TXNDC11: variants seen among roughly 807,000 people sequenced by gnomAD.
The protein encoded by TXNDC11 is thioredoxin domain containing 11, also known as thioredoxin domain-containing protein 11.
Under a neutral mutation model 78.0 loss-of-function variants are expected in TXNDC11, and 68 were observed. The observed-to-expected ratio is 0.87, with a 90% CI of 0.72 to 1.07. The LOEUF is 1.07. TXNDC11 is among the 50% of genes least tolerant of loss of function. TXNDC11 has a pLI of 0.00. For synonymous variants in TXNDC11, 571 were observed against 495.2 expected (o/e 1.15, Z -2.03); for missense variants, 1,389 against 1,221.8 (o/e 1.14, Z -2.04).
At chr16:11,707,453 A>AG (rs1233686090) in intron 5 of TXNDC11, among the ~76,000 whole-genome samples, 2 of 115,192 alleles carry the variant, frequency 1.7e-5, no homozygotes, top group South Asian at 5.3e-4. Flanking sequence ...TATTTTTCCC[A>AG]ATTTTTTTTT....
At chr16:11,693,315 C>T (rs2050771849) in intron 7 of TXNDC11, among the ~76,000 whole-genome samples, 1 of 152,060 alleles carries the variant, frequency 6.6e-6, no homozygotes, top group African/African-American at 2.4e-5. Flanking sequence ...TTTCGTTACC[C>T]ACCTCCCATT....
Position 11,721,625 on chromosome 16 carries a change from G to C in TXNDC11, c.745C>G (p.Pro249Ala). The C allele has an allele frequency of 6.2e-7, 1 of 1,612,706 alleles. No homozygotes were observed. The highest frequency in any genetic ancestry group is 8.5e-7 in the Non-Finnish European group (1 of 1,179,188). ...GAGGTGAAGAAGGTCAAATAACCAG[G>C]AGGCTGGGGTGAGCCACTGAACTCA... ...YFEFSGSPQP[P>A]GYLTFFTSAL... is the part of the protein sequence containing the mutation. The change falls in exon 5 of 12, where the codon CCT becomes GCT. Residue 249 changes from proline (P) to alanine (A), a missense_variant. By Grantham distance (27) the Pro-to-Ala change is conservative (BLOSUM62 -1). Transcript: ENST00000283033.
At position 11,700,515 on chromosome 16, in the gene TXNDC11, C is replaced by G; in HGVS notation, c.843G>C (p.Ala281=). ...CAGAGTGTACTAAGGATACCAGTTT[C>G]GCAAGATGTTTATTTGTGATAACCC... ...RFGVITNKHL[A]KLVSLVHSGS... Residue 281 remains alanine, a synonymous_variant, in exon 6 of 12, where the codon GCG becomes GCC. Transcript: ENST00000283033. The G allele has an allele frequency of 6.8e-6, 11 of 1,607,480 alleles. No individual in the cohort carries two copies. The highest frequency in any genetic ancestry group is 9.4e-6 in the Non-Finnish European group (11 of 1,174,268).
chr16:11,705,649 T>C (rs1055060601), intron 5 of TXNDC11, among the ~76,000 whole-genome samples: 6 of 152,230 alleles, frequency 3.9e-5, no homozygotes, highest in African/African-American at 1.4e-4. Flanking sequence ...TTAATAAGAA[T>C]GGACAGTCTG....
rs1360716261 is a variant in TXNDC11, at chr16:11,742,782, A to AGGCCC, written c.-57_-53dup. Reference sequence around the variant, plus strand: ...ACCGCCGCCGCCGCCTCGGGCCCGAAGGCCCGGCCCGGCCCGTTGCTCCCC... The same window carrying AGGCCC: ...ACCGCCGCCGCCGCCTCGGGCCCGAAGGCCCGGCCCGGCCCGGCCCGTTGCTCCCC... On this transcript the variant is annotated 5_prime_UTR_variant, in exon 1 of 12. Transcript: ENST00000283033. 1.6e-5 allele frequency: 22 copies of AGGCCC among 1,406,122 alleles called. No homozygotes were observed. The highest frequency in any genetic ancestry group is 1.1e-4 in the East Asian group (4 of 35,748). 87.1% of individuals were successfully genotyped at this position (1,406,122 alleles called of 1,614,324 possible).
At chr16:11,705,373 T>A (rs1288031295) in intron 5 of TXNDC11, among the ~76,000 whole-genome samples, 1 of 152,226 alleles carries the variant, frequency 6.6e-6, no homozygotes, top group Non-Finnish European at 1.5e-5. Context: ...TTAAAGGGCA[T>A]GGCATATAAG....
In TXNDC11 at chr16:11,742,672, T is replaced by C; in HGVS notation, c.59A>G (p.Glu20Gly). 6.8e-7 allele frequency: 1 copy of C among 1,468,348 alleles called. No individual in the cohort carries two copies. 91.0% of individuals were successfully genotyped at this position (1,468,348 alleles called of 1,614,324 possible). Residue 20 changes from glutamate (E) to glycine (G), a missense_variant, in exon 1 of 12, where the codon GAG becomes GGG. Transcript: ENST00000283033. The stretch of plus-strand genomic sequence containing the variant: ...CGCGGGGCCGCCGCCGCCCCCTCCC[T>C]CGTCCTCGGCGTCCTCGCTGCTGCT... ...GSSSSEDAED[E>G]GGGGGGPAGS...
Position 11,692,076 on chromosome 16 carries a change from C to A in TXNDC11, c.1114G>T (p.Glu372Ter). The A allele has an allele frequency of 6.6e-7, 1 of 1,521,904 alleles. No homozygotes were observed. Among genetic ancestry groups the A allele is most frequent in the Non-Finnish European group, 8.8e-7 (1 of 1,135,802 alleles). The allele number at this position is 1,521,904 out of a possible 1,614,324, so 94.3% of individuals were successfully genotyped here. Residue 372 changes from glutamate (E) to a stop codon, truncating the protein, a stop_gained, in exon 8 of 12, where the codon GAA becomes TAA. Coordinates refer to ENST00000283033, the MANE Select transcript of TXNDC11 (RefSeq NM_015914.7). LOFTEE classifies it high-confidence loss of function. ...CAGTTGTTGTACTCCAAGGCCACTT[C>A]GGTGATCTGAAATACAGGGCAGAGT... ...ESHPLIDEIT[E>*]VALEYNNCHG... is the part of the protein sequence containing the mutation.
chr16:11,692,025 G>C lies in TXNDC11; in HGVS notation c.1165C>G (p.Leu389Val), dbSNP rs370341845. The C allele has an allele frequency of 6.4e-7, 1 of 1,558,306 alleles. No homozygotes were observed. Among genetic ancestry groups the C allele is most frequent in the Non-Finnish European group, 8.7e-7 (1 of 1,152,042 alleles). Residue 389 changes from leucine to valine, a missense_variant, in exon 8 of 12, where the codon CTC becomes GTC. Physicochemically the swap from Leu to Val is conservative, Grantham distance 32. Coordinates refer to ENST00000283033, the MANE Select transcript of TXNDC11 (RefSeq NM_015914.7). ...TCCACCCGCCGCAGGTGCTGAAGGA[G>C]ACGCTCCACCACCTGGTCCCCATGA... Reference protein sequence around the residue: ...NCHGDQVVERLLQHLRRVDAP... With the variant: ...NCHGDQVVERVLQHLRRVDAP...
At chr16:11,698,888 C>G (rs530574530) in intron 6 of TXNDC11, among the ~76,000 whole-genome samples, 17 of 152,328 alleles carry the variant, frequency 1.1e-4, no homozygotes, top group African/African-American at 4.1e-4. Context: ...CAAAAATGAC[C>G]TAAACTTGCA....
intron 4 of TXNDC11, among the ~76,000 whole-genome samples, chr16:11,728,216 G>A (rs1207971933): frequency 6.6e-6 from 1 of 152,188 alleles, no homozygotes; most frequent in East Asian, 1.9e-4. Flanking sequence ...CTTATAGGCA[G>A]TGTGTGTGAA....
intron 5 of TXNDC11, among the ~76,000 whole-genome samples, chr16:11,701,360 C>T (rs1042623223): frequency 2.1e-4 from 32 of 152,070 alleles, no homozygotes; most frequent in South Asian, 6.2e-4. Flanking sequence ...CAGTCTCGAA[C>T]TCCTGACCTC....
chr16:11,722,591 G>C (rs562535903), intron 4 of TXNDC11, among the ~76,000 whole-genome samples: 2 of 152,182 alleles, frequency 1.3e-5, no homozygotes, highest in Non-Finnish European at 2.9e-5. Context: ...ACAGCCTCGG[G>C]AGAACCCTTC....
rs768715301 is a variant in TXNDC11, at chr16:11,742,691, T to C, written c.40A>G (p.Ser14Gly). The change falls in exon 1 of 12, where the codon AGC becomes GGC. Residue 14 changes from serine (S) to glycine (G), a missense_variant. Ser to Gly is a moderately conservative substitution (Grantham distance 56, BLOSUM62 0). Transcript: ENST00000283033. ...CCTCCCTCGTCCTCGGCGTCCTCGC[T>C]GCTGCTGCTGCCGCCGCCGCGGCCT... Reference protein sequence around the residue: ...CGGRGGGSSSSEDAEDEGGGG... With the variant: ...CGGRGGGSSSGEDAEDEGGGG... The C allele has an allele frequency of 1.4e-6, 2 of 1,469,460 alleles. No individual in the cohort carries two copies. The highest frequency in any genetic ancestry group is 1.3e-5 in the South Asian group (1 of 75,714). The allele number at this position is 1,469,460 out of a possible 1,614,324, so 91.0% of individuals were successfully genotyped here. A position where few individuals can be genotyped will look rare whatever the true frequency, so the allele number is the denominator to read the frequency against.
intron 10 of TXNDC11, among the ~76,000 whole-genome samples, chr16:11,685,501 T>C (rs1477731070): frequency 2.0e-5 from 3 of 151,762 alleles, no homozygotes; most frequent in Non-Finnish European, 4.4e-5. Context: ...TACAAAAAAT[T>C]AGCTGGGCAT....
At position 11,691,619 on chromosome 16, in the gene TXNDC11, T is replaced by G; in HGVS notation, c.1571A>C (p.Gln524Pro). The G allele has an allele frequency of 6.2e-7, 1 of 1,614,224 alleles. No homozygotes were observed. The highest frequency in any genetic ancestry group is 1.3e-5 in the African/African-American group (1 of 75,050). ...RGVSGFIDSE[Q>P]GVFEAPTVAF... is the part of the protein sequence containing the mutation. ...AACAGTAGGGGCTTCAAAGACACCT[T>G]GTTCAGAGTCGATGAAGCCTGACAC... The change falls in exon 8 of 12, where the codon CAA becomes CCA. Residue 524 changes from glutamine to proline, a missense_variant. Physicochemically the swap from Gln to Pro is moderately conservative, Grantham distance 76 (BLOSUM62 -1). Transcript: ENST00000283033.
rs116936601 is a variant in TXNDC11, at chr16:11,687,103, C to G, written c.2153+754G>C. Reference sequence around the variant, plus strand: ...ATATATTAATGGTCCCCCTTTTTGTCTGCTTTCCCTGTTTTCACTGCACGT... The same window carrying G: ...ATATATTAATGGTCCCCCTTTTTGTGTGCTTTCCCTGTTTTCACTGCACGT... On this transcript the variant is annotated intron_variant, in intron 10 of 11. Transcript: ENST00000283033. Among the ~76,000 whole-genome samples, 62 of 152,218 alleles carry G rather than the reference C, an allele frequency of 4.1e-4. No individual in the cohort carries two copies. In the East Asian group the frequency reaches 8.9e-3, roughly 22 times the overall value.
chr16:11,698,004 C>A, intron 7 of TXNDC11, 121 bp downstream of exon 7: 1 of 924,830 alleles, frequency 1.1e-6, no homozygotes, highest in Non-Finnish European at 1.7e-6. Context: ...CTCAGAGCCA[C>A]AGCTGCCCCT....
At chr16:11,696,029 A>G (rs1426423990) in intron 7 of TXNDC11, among the ~76,000 whole-genome samples, 5 of 151,742 alleles carry the variant, frequency 3.3e-5, no homozygotes, top group Admixed American at 6.6e-5. Flanking sequence ...CTAACTCAAA[A>G]AAAAAAAAAA....
Sources: allele counts gnomAD v4.1 joint callset (sites outside exome capture counted in the v4.1 genomes callset), GRCh38; gene constraint gnomAD v4.1.1; transcripts MANE v1.5; gene names NCBI Gene and HGNC (gene_info 2026-07-23, HGNC 2026-07-21).